Variants in CDS2 observed in about 807,000 individuals in gnomAD.
The protein encoded by CDS2 is CDP-diacylglycerol synthase 2, also known as phosphatidate cytidylyltransferase 2.
In CDS2, 47 loss-of-function variants were observed where a neutral mutation model predicts 59.0. The ratio of observed to expected loss-of-function variants is 0.80; its 90% CI spans 0.63 to 1.02. CDS2 has a LOEUF of 1.02. Among genes scored for constraint, CDS2 ranks in the 50% least tolerant of loss-of-function variants. The pLI, the probability that CDS2 is intolerant of heterozygous loss-of-function variation, is 0.00. For synonymous variants in CDS2, 207 were observed against 206.4 expected, an observed-to-expected ratio of 1.00 and a Z score of -0.02; for missense variants, 356 against 558.9, an observed-to-expected ratio of 0.64 and a Z score of 3.66.
At chr20:5,172,694 T>A (rs1038456106) in intron 1 of CDS2, among the ~76,000 whole-genome samples, 1 of 152,256 alleles carries the variant, frequency 6.6e-6, no homozygotes, top group African/African-American at 2.4e-5. Flanking sequence ...CTTGCAGGGC[T>A]ATACAGATAC....
At chr20:5,128,455 T>C (rs1417222375) in intron 1 of CDS2, 1 of 152,150 alleles carries the variant, frequency 6.6e-6, no homozygotes, top group Admixed American at 6.5e-5. Context: ...CAGTGGACTA[T>C]CCAAAGAGAA....
At chr20:5,163,402 C>T (rs1208209644) in intron 1 of CDS2, among the ~76,000 whole-genome samples, 1 of 147,582 alleles carries the variant, frequency 6.8e-6, no homozygotes, top group Non-Finnish European at 1.5e-5. Flanking sequence ...TCTGGGAGTA[C>T]AGGCATGGGC....
intron 1 of CDS2, among the ~76,000 whole-genome samples, chr20:5,155,546 T>G (rs954689905): frequency 9.2e-5 from 14 of 152,238 alleles, no homozygotes; most frequent in Non-Finnish European, 1.6e-4. Flanking sequence ...TTGGCATTCC[T>G]TGGCTGTAGC....
Position 5,178,024 on chromosome 20 carries a change from T to C in CDS2, c.390-793T>C, listed in dbSNP as rs1055717880. ...AAAAAAGAATGGGAAAGAAAAGCTC[T>C]CCACTTTCTTCTCTATCTCAGGATC... On this transcript the variant is annotated intron_variant, in intron 4 of 12. Transcript: ENST00000460006. 3.3e-5 allele frequency among the ~76,000 whole-genome samples: 5 copies of C among 152,248 alleles called. No individual in the cohort carries two copies. In the South Asian group the frequency reaches 6.2e-4, roughly 19 times the overall value.
At chr20:5,166,431 G>A (rs530004345) in intron 1 of CDS2, among the ~76,000 whole-genome samples, 398 of 152,224 alleles carry the variant, frequency 2.6e-3, no homozygotes, top group Non-Finnish European at 4.7e-3. Flanking sequence ...GGTGTCTGTG[G>A]AGACATCTAG....
At chr20:5,127,566 T>C (rs1470902002) in intron 1 of CDS2, among the ~76,000 whole-genome samples, 1 of 152,038 alleles carries the variant, frequency 6.6e-6, no homozygotes. Context: ...TGTTATTATT[T>C]TGGGGGGTGG....
At position 5,184,745 on chromosome 20, in the gene CDS2, A is replaced by C. The variant is rs1320619600; in HGVS notation, c.672-113A>C. 59 of 828,068 alleles carry C rather than the reference A, an allele frequency of 7.1e-5. 1 individual carries two copies. 51.3% of individuals were successfully genotyped at this position (828,068 alleles called of 1,614,324 possible). On this transcript the variant is annotated intron_variant, in intron 7 of 12. Coordinates refer to ENST00000460006, the MANE Select transcript of CDS2 (RefSeq NM_003818.4). This position sits in a 1 kb window ranked among gnomAD's most constrained non-coding sequence, Gnocchi z 4.3. ...TTTTTAACTTACTCCTTAATGGGTTACCAGAATTTTATGGGTGATTTTGGT... is the reference window on the plus strand; with the variant it reads ...TTTTTAACTTACTCCTTAATGGGTTCCCAGAATTTTATGGGTGATTTTGGT...
chr20:5,188,823 A>G (rs528011892), intron 10 of CDS2, among the ~76,000 whole-genome samples: 1 of 152,254 alleles, frequency 6.6e-6, no homozygotes, highest in South Asian at 2.1e-4. Context: ...GGGCTTCATC[A>G]CTTCATAACA....
intron 1 of CDS2, among the ~76,000 whole-genome samples, chr20:5,147,782 G>A (rs1007633764): frequency 6.6e-6 from 1 of 150,800 alleles, no homozygotes; most frequent in African/African-American, 2.4e-5. Context: ...GGTTGGTCTT[G>A]AACTCCTTGC....
intron 1 of CDS2, among the ~76,000 whole-genome samples, chr20:5,143,485 A>G (rs754414001): frequency 1.3e-5 from 2 of 152,224 alleles, no homozygotes; most frequent in Non-Finnish European, 2.9e-5. Context: ...GTCAAGTTCC[A>G]GAACATTCAA....
chr20:5,168,982 C>T (rs2090934864), intron 1 of CDS2, among the ~76,000 whole-genome samples: 1 of 152,188 alleles, frequency 6.6e-6, no homozygotes. Flanking sequence ...TAACTGAGCC[C>T]CTGGTACACA....
chr20:5,170,997 T>G (rs1386013996), intron 1 of CDS2, among the ~76,000 whole-genome samples: 1 of 152,168 alleles, frequency 6.6e-6, no homozygotes, highest in Non-Finnish European at 1.5e-5. Flanking sequence ...ATACTTCATT[T>G]CTTAGTTGTT....
intron 4 of CDS2, among the ~76,000 whole-genome samples, 189 bp downstream of exon 4, chr20:5,176,934 A>G (rs1191923187): frequency 6.6e-6 from 1 of 152,244 alleles, no homozygotes; most frequent in African/African-American, 2.4e-5. Flanking sequence ...GAAATGGGTA[A>G]GAGAATGTTA....
chr20:5,188,600 G>T (rs1388765592), intron 10 of CDS2, among the ~76,000 whole-genome samples: 2 of 152,116 alleles, frequency 1.3e-5, no homozygotes, highest in African/African-American at 4.8e-5. Context: ...TACGAGGTTG[G>T]ATGTCTTGGT....
In CDS2 at chr20:5,192,911, T is replaced by C. The variant is rs938322454; in HGVS notation, c.*2677T>C. ...TCAGGACTCACTCCATCCTGCACTTTACCCACAGGACACCTGGAGGGTCCC... is the reference window on the plus strand; with the variant it reads ...TCAGGACTCACTCCATCCTGCACTTCACCCACAGGACACCTGGAGGGTCCC... On this transcript the variant is annotated 3_prime_UTR_variant, in exon 13 of 13. Transcript: ENST00000460006. The C allele has an allele frequency of 2.0e-5, 3 of 152,248 alleles. No individual in the cohort carries two copies. The highest frequency in any genetic ancestry group is 6.5e-5 in the Admixed American group (1 of 15,284). The allele number at this position is 152,248 out of a possible 1,614,324, so 9.4% of individuals were successfully genotyped here.
At chr20:5,161,885 A>G (rs1272009772) in intron 1 of CDS2, among the ~76,000 whole-genome samples, 2 of 152,180 alleles carry the variant, frequency 1.3e-5, no homozygotes, top group African/African-American at 4.8e-5. Flanking sequence ...GACTAACGCT[A>G]ACTAGAACCA....
chr20:5,177,666 G>A (rs1351858862), intron 4 of CDS2, among the ~76,000 whole-genome samples: 1 of 152,122 alleles, frequency 6.6e-6, no homozygotes, highest in Non-Finnish European at 1.5e-5. Flanking sequence ...CCATGACTTA[G>A]CCGGCTGGAG....
intron 1 of CDS2, among the ~76,000 whole-genome samples, chr20:5,139,327 A>C (rs2090674302): frequency 6.6e-6 from 1 of 152,178 alleles, no homozygotes; most frequent in African/African-American, 2.4e-5. Flanking sequence ...ATGCCATAGC[A>C]CTCCAGCCTA....
intron 1 of CDS2, among the ~76,000 whole-genome samples, chr20:5,170,729 T>C (rs988920284): frequency 3.3e-5 from 5 of 152,238 alleles, no homozygotes; most frequent in South Asian, 2.1e-4. Context: ...CACTTAAAGG[T>C]AGCAAAAACC....
Sources: gnomAD v4.1 joint callset for allele counts (sites outside exome capture counted in the v4.1 genomes callset) on GRCh38, gnomAD v4.1.1 for gene constraint, Gnocchi (gnomAD v3.1) non-coding constraint, MANE v1.5 for transcripts, NCBI Gene and HGNC (gene_info 2026-07-23, HGNC 2026-07-21) for gene names.